Variants in STARD13 observed in about 807,000 individuals in gnomAD.
STARD13 encodes StAR related lipid transfer domain containing 13.
STARD13 carries 62 observed loss-of-function variants against 106.4 expected under a neutral mutation model. The observed-to-expected ratio is 0.58, with a 90% CI of 0.48 to 0.72. The LOEUF (loss-of-function observed/expected upper bound fraction) is 0.72. Among genes scored for constraint, STARD13 ranks in the 30% least tolerant of loss-of-function variants. STARD13 has a pLI of 0.00. For synonymous variants in STARD13, 565 were observed against 553.0 expected, an observed-to-expected ratio of 1.02 and a Z score of -0.31; for missense variants, 1,387 against 1,424.0, an observed-to-expected ratio of 0.97 and a Z score of 0.42.
At chr13:33,675,166 G>A in the STARD13 span, among the ~76,000 whole-genome samples, 2 of 152,170 alleles carry the variant, frequency 1.3e-5, no homozygotes, top group African/African-American at 4.8e-5. Context: ...AATCCTCAGA[G>A]AGCCACTCTC....
chr13:33,505,053 C>T, the STARD13 span, among the ~76,000 whole-genome samples: 1 of 152,144 alleles, frequency 6.6e-6, no homozygotes, highest in Non-Finnish European at 1.5e-5. Context: ...CCCAACACTC[C>T]CTGTCCTAAG....
chr13:33,256,273 G>C (rs1890360324), intron 1 of STARD13, among the ~76,000 whole-genome samples: 2 of 152,194 alleles, frequency 1.3e-5, no homozygotes, highest in South Asian at 4.1e-4. Context: ...TTCATTACCT[G>C]CACCCTCACT....
At chr13:33,598,434 CTT>C in the STARD13 span, among the ~76,000 whole-genome samples, 14 of 152,168 alleles carry the variant, frequency 9.2e-5, no homozygotes, top group Non-Finnish European at 1.6e-4. Context: ...CTAAATGACT[CTT>C]TTTAAATTAA....
At chr13:33,554,439 C>G in the STARD13 span, among the ~76,000 whole-genome samples, 1 of 152,142 alleles carries the variant, frequency 6.6e-6, no homozygotes, top group African/African-American at 2.4e-5. Context: ...CCTTCCATGC[C>G]TCAGACTCTT....
chr13:33,109,406 C>G (rs1874199978), intron 12 of STARD13, among the ~76,000 whole-genome samples: 1 of 152,170 alleles, frequency 6.6e-6, no homozygotes, highest in African/African-American at 2.4e-5. Flanking sequence ...GGTTTCTGAG[C>G]ATAGTAATAG....
chr13:33,385,246 T>TATATATATAC, the STARD13 span, among the ~76,000 whole-genome samples: 3 of 126,548 alleles, frequency 2.4e-5, no homozygotes, highest in East Asian at 6.5e-4. Flanking sequence ...TATATATATA[T>TATATATATAC]ATATATATAT....
At chr13:33,110,374 G>A (rs76909105) in intron 11 of STARD13, among the ~76,000 whole-genome samples, 34 of 152,262 alleles carry the variant, frequency 2.2e-4, no homozygotes, top group African/African-American at 7.0e-4. Context: ...GCCTTCCTCC[G>A]ACAGTGGTAC....
At chr13:33,348,986 C>T (rs2078043801) in exon 2 of STARD13, 16 of 613,848 alleles carry the variant, frequency 2.6e-5, no homozygotes, top group South Asian at 1.5e-4. Context: ...GGGCATCTTC[C>T]CCAGAATGCT....
the STARD13 span, among the ~76,000 whole-genome samples, chr13:33,643,065 A>C: frequency 6.6e-6 from 1 of 152,056 alleles, no homozygotes; most frequent in Non-Finnish European, 1.5e-5. Flanking sequence ...GCTTTCTCAC[A>C]AATATGCATG....
At chr13:33,400,886 A>T in the STARD13 span, among the ~76,000 whole-genome samples, 4 of 151,598 alleles carry the variant, frequency 2.6e-5, no homozygotes, top group East Asian at 7.8e-4. Context: ...ATTGGTTTTT[A>T]AAAAAAGATC....
chr13:33,142,245 G>A (rs1488192003), intron 4 of STARD13, 65 bp downstream of exon 4: 6 of 1,248,396 alleles, frequency 4.8e-6, no homozygotes, highest in Admixed American at 3.4e-5. Context: ...ATGTTGCTCA[G>A]ATTGATCTCA....
At chr13:33,318,032 A>G (rs1379525259) in intron 1 of STARD13, among the ~76,000 whole-genome samples, 1 of 152,206 alleles carries the variant, frequency 6.6e-6, no homozygotes, top group Non-Finnish European at 1.5e-5. Flanking sequence ...AAAGTCTTTC[A>G]ACCACATTGG....
chr13:33,235,927 T>C (rs1361475085), intron 1 of STARD13, among the ~76,000 whole-genome samples: 1 of 152,192 alleles, frequency 6.6e-6, no homozygotes, highest in Non-Finnish European at 1.5e-5. Flanking sequence ...TAAATGAACA[T>C]CAGGCTAATC....
At chr13:33,328,771 G>C (rs901032327) in intron 1 of STARD13, among the ~76,000 whole-genome samples, 1 of 152,188 alleles carries the variant, frequency 6.6e-6, no homozygotes. Flanking sequence ...AGTGGAGGTA[G>C]GCATCAAATT....
the STARD13 span, chr13:33,658,216 C>G: frequency 6.5e-6 from 1 of 154,656 alleles, no homozygotes; most frequent in African/African-American, 2.4e-5. Flanking sequence ...CGAGGTTCAT[C>G]CATGTTGTAG....
chr13:33,259,268 A>C (rs1439256016), intron 1 of STARD13, among the ~76,000 whole-genome samples: 3 of 152,226 alleles, frequency 2.0e-5, no homozygotes, highest in African/African-American at 7.2e-5. Flanking sequence ...AACTTGTGAG[A>C]TTGTTACAGT....
At chr13:33,308,520 C>CTTTCTTTTTTTTTTTTTTTTT (rs1893003354) in intron 1 of STARD13, among the ~76,000 whole-genome samples, 1 of 88,554 alleles carries the variant, frequency 1.1e-5, no homozygotes, top group Non-Finnish European at 2.1e-5. Flanking sequence ...CTTTTTCTTT[C>CTTTCTTTTTTTTTTTTTTTTT]TTTTTTTTTT....
chr13:33,392,954 G>C, the STARD13 span, among the ~76,000 whole-genome samples: 1 of 152,204 alleles, frequency 6.6e-6, no homozygotes, highest in Non-Finnish European at 1.5e-5. Context: ...TTACTCCAAA[G>C]CCCTTTGTCT....
chr13:33,163,589 CAA>C (rs577772737), intron 3 of STARD13, among the ~76,000 whole-genome samples: 805 of 53,702 alleles, frequency 0.015, 13 homozygotes, highest in East Asian at 0.052. Flanking sequence ...GACTCTGTCT[CAA>C]AAAAAAAAAA....
Sources: gnomAD v4.1 joint callset for allele counts (sites outside exome capture counted in the v4.1 genomes callset) on GRCh38, gnomAD v4.1.1 for gene constraint, MANE v1.5 for transcripts, NCBI Gene and HGNC (gene_info 2026-07-23, HGNC 2026-07-21) for gene names.